Variants in LYST observed in about 807,000 individuals in gnomAD.
LYST encodes the protein lysosomal-trafficking regulator.
Under a neutral mutation model 413.6 loss-of-function variants are expected in LYST, and 192 were observed. The observed-to-expected ratio is 0.46, with a 90% CI of 0.41 to 0.52. LYST has a LOEUF of 0.52. LYST is among the 20% of genes least tolerant of loss of function. LYST has a pLI of 0.00. For missense variants in LYST, 3,815 were observed against 4,499.9 expected, an observed-to-expected ratio of 0.85 and a Z score of 4.35; for synonymous variants, 1,525 against 1,567.3, an observed-to-expected ratio of 0.97 and a Z score of 0.64.
Position 235,687,717 on chromosome 1 carries a change from C to A in LYST, c.10702-670G>T, listed in dbSNP as rs537520656. The stretch of plus-strand genomic sequence containing the variant: ...GTCCCCAACTGCTCTCCTGTCCCAC[C>A]TCCCCCACACTCACTTCACTAAGCA... On this transcript the variant is annotated intron_variant, in intron 47 of 52. Coordinates refer to ENST00000389793, the MANE Select transcript of LYST (RefSeq NM_000081.4). Among the ~76,000 whole-genome samples the A allele has an allele frequency of 4.6e-5, 7 of 152,244 alleles. No homozygotes were observed. The East Asian group carries it at 1.4e-3, about 29-fold the overall frequency.
intron 41 of LYST, among the ~76,000 whole-genome samples, chr1:235,715,740 T>C (rs1274985624): frequency 6.6e-6 from 1 of 152,052 alleles, no homozygotes; most frequent in African/African-American, 2.4e-5. Flanking sequence ...AGTTTCAAGA[T>C]GTAATGCTAT....
rs1335068846 is a variant in LYST, at chr1:235,806,518, T to C, written c.2618A>G (p.Lys873Arg). 1.9e-6 allele frequency: 3 copies of C among 1,614,056 alleles called. No individual in the cohort carries two copies. The highest frequency in any genetic ancestry group is 2.2e-5 in the South Asian group (2 of 91,080). ...AYSDSPQSLS[K>R]FYAGLKEAYP... ...AGCTTCTTTGAGGCCAGCATAAAAT[T>C]TGCTGAGACTCTGAGGAGAATCTGA... The change falls in exon 6 of 53, where the codon AAA (lysine) becomes AGA (arginine). Residue 873 changes from lysine to arginine, a missense_variant. Transcript: ENST00000389793.
intron 1 of LYST, among the ~76,000 whole-genome samples, chr1:235,873,099 C>A (rs1163494186): frequency 1.3e-5 from 2 of 152,124 alleles, no homozygotes; most frequent in Non-Finnish European, 2.9e-5. Context: ...TTCTGAGGCT[C>A]TCTTGGTTTC....
At chr1:235,665,453 T>C (rs1361920516) in intron 50 of LYST, among the ~76,000 whole-genome samples, 2 of 151,380 alleles carry the variant, frequency 1.3e-5, no homozygotes, top group African/African-American at 2.4e-5. Context: ...CTACTAAAAA[T>C]ACAAAAAAAT....
chr1:235,747,162 T>C (rs1202498703), intron 28 of LYST: 1 of 417,746 alleles, frequency 2.4e-6, no homozygotes, highest in Non-Finnish European at 4.8e-6. Flanking sequence ...CCTGCACCAT[T>C]ACTGCACCTG....
chr1:235,791,657 A>C (rs1558250359), intron 12 of LYST, 42 bp downstream of exon 12: 2 of 1,531,436 alleles, frequency 1.3e-6, no homozygotes. Context: ...TATAGTCTGA[A>C]AACAATCTTT....
At chr1:235,698,382 A>G (rs952115748) in intron 45 of LYST, among the ~76,000 whole-genome samples, 1 of 152,220 alleles carries the variant, frequency 6.6e-6, no homozygotes, top group Non-Finnish European at 1.5e-5. Flanking sequence ...TAATTCTGTC[A>G]GACTATTTAG....
intron 1 of LYST, among the ~76,000 whole-genome samples, chr1:235,855,641 A>T (rs1286098770): frequency 6.6e-6 from 1 of 152,148 alleles, no homozygotes; most frequent in Non-Finnish European, 1.5e-5. Flanking sequence ...AAAATAATAA[A>T]AATAATTTAT....
Position 235,697,177 on chromosome 1 carries a change from T to C in LYST, c.10470A>G (p.Gly3490=), listed in dbSNP as rs150222948. Residue 3490 remains glycine, a synonymous_variant, in exon 46 of 53, where the codon GGA becomes GGG. Coordinates refer to ENST00000389793, the MANE Select transcript of LYST (RefSeq NM_000081.4). The part of the protein sequence containing the change: ...VPVVCFSQPH[G]ERFGSLQALP... ...GAGCCTGGAGAGAGCCAAATCTTTC[T>C]CCGTGGGGCTGGCTGAAGCAGACCA... 6.2e-6 allele frequency: 10 copies of C among 1,614,108 alleles called. No homozygotes were observed. The highest frequency in any genetic ancestry group is 8.5e-6 in the Non-Finnish European group (10 of 1,180,040).
intron 1 of LYST, among the ~76,000 whole-genome samples, chr1:235,837,998 C>T (rs143723809): frequency 2.6e-5 from 4 of 151,966 alleles, no homozygotes; most frequent in African/African-American, 7.2e-5. Flanking sequence ...GTAGGCAAAA[C>T]GAAGAAGACC....
intron 28 of LYST, 92 bp downstream of exon 28, chr1:235,751,118 A>G: frequency 7.9e-7 from 1 of 1,262,980 alleles, no homozygotes; most frequent in Non-Finnish European, 1.2e-6. Flanking sequence ...ATGTAAAACA[A>G]GAAATATTTT....
In LYST at chr1:235,809,635, G is replaced by A. The variant is rs752192687; in HGVS notation, c.1183C>T (p.Arg395Cys). 1.6e-5 allele frequency: 26 copies of A among 1,613,914 alleles called. No individual in the cohort carries two copies. The highest frequency in any genetic ancestry group is 1.3e-4 in the East Asian group (6 of 44,888). ...VQEDFVFSKY[R>C]HRALLLPELL... ...TCAGGTAAAAGAAGGGCTCTATGAC[G>A]ATACTTTGAAAACACAAAATCTTCC... is the stretch of plus-strand genomic sequence containing the variant. The change falls in exon 5 of 53, where the codon CGT (arginine) becomes TGT (cysteine). Residue 395 changes from arginine (R) to cysteine (C), a missense_variant. By Grantham distance (180) the Arg-to-Cys change is radical. Coordinates refer to ENST00000389793, the MANE Select transcript of LYST (RefSeq NM_000081.4). This position sits in a 1 kb window ranked among gnomAD's most constrained non-coding sequence, Gnocchi z 4.0.
At position 235,728,065 on chromosome 1, in the gene LYST, C is replaced by A. The variant is rs74958355; in HGVS notation, c.9162+11G>T. The A allele has an allele frequency of 6.3e-7, 1 of 1,597,180 alleles. No homozygotes were observed. The highest frequency in any genetic ancestry group is 2.2e-5 in the East Asian group (1 of 44,716). ...AGATTTATGTAAATACAGACTTAAG[C>A]CTCTACTCACCGAACTTTCAACTGT... On this transcript the variant is annotated intron_variant, in intron 38 of 52. Coordinates refer to ENST00000389793, the MANE Select transcript of LYST (RefSeq NM_000081.4).
Position 235,664,345 on chromosome 1 carries a change from A to G in LYST, c.11195+120T>C. ...GGAATAACTAAAGAACCTACACCCC[A>G]AGGTGAGTTTAAATCTCTAAATACT... On this transcript the variant is annotated intron_variant, in intron 51 of 52. Coordinates refer to ENST00000389793, the MANE Select transcript of LYST (RefSeq NM_000081.4). This position sits in a 1 kb window ranked among gnomAD's most constrained non-coding sequence, Gnocchi z 4.5. 1.1e-6 allele frequency: 1 copy of G among 923,766 alleles called. No homozygotes were observed. The highest frequency in any genetic ancestry group is 1.7e-6 in the Non-Finnish European group (1 of 593,266). The allele number at this position is 923,766 out of a possible 1,614,324, so 57.2% of individuals were successfully genotyped here. A position where few individuals can be genotyped will look rare whatever the true frequency, so the allele number is the denominator to read the frequency against.
rs1323426828 is a variant in LYST at position 235,709,206 on chromosome 1, T to C, written c.10028A>G (p.Gln3343Arg). 1 of 1,614,174 alleles carries C rather than the reference T, an allele frequency of 6.2e-7. No homozygotes were observed. The highest frequency in any genetic ancestry group is 8.5e-7 in the Non-Finnish European group (1 of 1,180,024). ...DPRLFILIHRQALESDYVSQN... is the reference protein window; with the variant it reads ...DPRLFILIHRRALESDYVSQN... The stretch of plus-strand genomic sequence containing the variant: ...CGACACGTAGTCAGACTCTAGAGCC[T>C]GCCGATGGATGAGGATAAAAAGACG... Residue 3343 changes from glutamine (Q) to arginine (R), a missense_variant, in exon 44 of 53, where the codon CAG becomes CGG. By Grantham distance (43) the Gln-to-Arg change is conservative. Transcript: ENST00000389793.
chr1:235,829,921 T>C (rs550968791), intron 3 of LYST: 1 of 219,138 alleles, frequency 4.6e-6, no homozygotes, highest in East Asian at 1.2e-4. Context: ...TACAGGGATA[T>C]AAGATTATGT....
At chr1:235,711,541 TATTTAA>T (rs1048971661) in intron 43 of LYST, among the ~76,000 whole-genome samples, 3 of 152,230 alleles carry the variant, frequency 2.0e-5, no homozygotes, top group African/African-American at 7.2e-5. Flanking sequence ...GCTGCTCTTC[TATTTAA>T]GAATAGCTAA....
In LYST at chr1:235,679,072, C is replaced by T. The variant is rs1346980327; in HGVS notation, c.10801-1453G>A. 2.0e-5 allele frequency among the ~76,000 whole-genome samples: 3 copies of T among 152,150 alleles called. No individual in the cohort carries two copies. In the East Asian group the frequency reaches 5.8e-4, roughly 29 times the overall value. On this transcript the variant is annotated intron_variant, in intron 48 of 52. Coordinates refer to ENST00000389793, the MANE Select transcript of LYST (RefSeq NM_000081.4). ...TAAAGAATCAAAAGACCAGGCAATA[C>T]CAGGCTCACATTATTCCTTGTAACA...
intron 1 of LYST, among the ~76,000 whole-genome samples, chr1:235,839,088 G>A (rs963060320): frequency 1.3e-5 from 2 of 152,030 alleles, no homozygotes; most frequent in African/African-American, 4.8e-5. Context: ...ACTTCCCAAA[G>A]TGTTGGGATT....
Sources: allele counts gnomAD v4.1 joint callset (sites outside exome capture counted in the v4.1 genomes callset), GRCh38; gene constraint gnomAD v4.1.1; non-coding constraint Gnocchi (gnomAD v3.1); transcripts MANE v1.5; gene names NCBI Gene and HGNC (gene_info 2026-07-23, HGNC 2026-07-21).